FSHR: variants seen among roughly 807,000 people sequenced by gnomAD.
FSHR encodes the protein follicle-stimulating hormone receptor.
In FSHR, 46 loss-of-function variants were observed where a neutral mutation model predicts 52.1. That is an observed-to-expected ratio of 0.88 (90% CI 0.70 to 1.13). FSHR has a LOEUF of 1.13. FSHR is among the 50% of genes most tolerant of loss of function. The pLI is 0.00. For synonymous variants in FSHR, 399 were observed against 309.6 expected, an observed-to-expected ratio of 1.29 and a Z score of -3.03; for missense variants, 964 against 834.6, an observed-to-expected ratio of 1.16 and a Z score of -1.91.
At chr2:49,077,278 A>T (rs925242354) in intron 1 of FSHR, among the ~76,000 whole-genome samples, 1 of 152,196 alleles carries the variant, frequency 6.6e-6, no homozygotes, top group African/African-American at 2.4e-5. Flanking sequence ...TGTGCTCAAC[A>T]TCATGTGGAA....
At chr2:49,059,028 AT>A (rs1669182564) in intron 2 of FSHR, among the ~76,000 whole-genome samples, 1 of 152,026 alleles carries the variant, frequency 6.6e-6, no homozygotes, top group Non-Finnish European at 1.5e-5. Flanking sequence ...GGGCAACATA[AT>A]CCCCATCTAT....
intron 3 of FSHR, among the ~76,000 whole-genome samples, chr2:49,018,321 C>T (rs1332940882): frequency 6.6e-6 from 1 of 152,160 alleles, no homozygotes; most frequent in Non-Finnish European, 1.5e-5. Context: ...CCAACACAGA[C>T]AGCCTGCCCT....
chr2:49,119,034 T>G (rs1671704988), intron 1 of FSHR, among the ~76,000 whole-genome samples: 1 of 152,202 alleles, frequency 6.6e-6, no homozygotes, highest in African/African-American at 2.4e-5. Flanking sequence ...ACCAACAGGA[T>G]CCAGGTCCTA....
At chr2:48,974,849 A>C (rs977409258) in intron 8 of FSHR, among the ~76,000 whole-genome samples, 6 of 152,162 alleles carry the variant, frequency 3.9e-5, no homozygotes, top group African/African-American at 1.4e-4. Flanking sequence ...TGTTCTCCTA[A>C]AACATACACA....
chr2:49,105,879 G>A (rs1000545176), intron 1 of FSHR, among the ~76,000 whole-genome samples: 1 of 151,520 alleles, frequency 6.6e-6, no homozygotes, highest in African/African-American at 2.4e-5. Flanking sequence ...ACTCAGACAA[G>A]AGTTTCATGG....
chr2:49,146,933 C>G (rs1558467464), intron 1 of FSHR, among the ~76,000 whole-genome samples: 1 of 152,002 alleles, frequency 6.6e-6, no homozygotes, highest in African/African-American at 2.4e-5. Context: ...ACACAGGACT[C>G]TGTGATAACT....
At chr2:49,041,318 G>A (rs1668473768) in intron 2 of FSHR, among the ~76,000 whole-genome samples, 1 of 152,136 alleles carries the variant, frequency 6.6e-6, no homozygotes, top group Non-Finnish European at 1.5e-5. Flanking sequence ...ATGTTTACAT[G>A]CTACAATGAA....
intron 6 of FSHR, among the ~76,000 whole-genome samples, chr2:48,987,575 C>T (rs867250500): frequency 5.9e-5 from 9 of 152,158 alleles, no homozygotes; most frequent in African/African-American, 1.2e-4. Context: ...TCCCTCTGCA[C>T]GCCCTTTGCC....
intron 1 of FSHR, among the ~76,000 whole-genome samples, chr2:49,132,105 A>T (rs751026857): frequency 6.6e-6 from 1 of 152,210 alleles, no homozygotes; most frequent in Non-Finnish European, 1.5e-5. Context: ...AATCCCAGCA[A>T]GTGGCTGTAT....
Position 48,988,918 on chromosome 2 carries a change from A to C in FSHR, c.524+59T>G, listed in dbSNP as rs182384691. The C allele has an allele frequency of 5.7e-4, 799 of 1,410,484 alleles. 7 individuals are homozygous for C. In the Admixed American group the frequency reaches 8.7e-3, roughly 15 times the overall value. The allele number at this position is 1,410,484 out of a possible 1,614,324, so 87.4% of individuals were successfully genotyped here. A position where few individuals can be genotyped will look rare whatever the true frequency, so the allele number is the denominator to read the frequency against. On this transcript the variant is annotated intron_variant, in intron 6 of 9. Transcript: ENST00000406846. ...AAAAAGGAGCATCCAATTATGAGAA[A>C]GAGATCACTAAATGAAAAATCAAAT...
chr2:48,963,246 A>G lies in FSHR; in HGVS notation c.1575T>C (p.Pro525=). The change falls in exon 10 of 10, where the codon CCT becomes CCC. Residue 525 remains proline (P), a synonymous_variant. Coordinates refer to ENST00000406846, the MANE Select transcript of FSHR (RefSeq NM_000145.4). ...GGGACATGACATACAGCTGTGACAA[A>G]GGGCTGTCAATATCCATGGGCAGGC... is the stretch of plus-strand genomic sequence containing the variant. The part of the protein sequence containing the change: ...SICLPMDIDS[P]LSQLYVMSLL... 6.2e-7 allele frequency: 1 copy of G among 1,614,168 alleles called. No individual in the cohort carries two copies. Among genetic ancestry groups the G allele is most frequent in the Non-Finnish European group, 8.5e-7 (1 of 1,180,024 alleles).
chr2:49,031,406 A>T (rs2104256057), intron 2 of FSHR, among the ~76,000 whole-genome samples: 1 of 152,340 alleles, frequency 6.6e-6, no homozygotes, highest in South Asian at 2.1e-4. Flanking sequence ...ATTTCAGAGT[A>T]ATCAGCAAAG....
intron 1 of FSHR, among the ~76,000 whole-genome samples, chr2:49,087,081 T>A (rs1026217164): frequency 6.9e-6 from 1 of 145,216 alleles, no homozygotes; most frequent in African/African-American, 2.5e-5. Context: ...TTTTTTTTTT[T>A]TTTTTTTTTT....
rs371728482 is a variant in FSHR at position 49,007,151 on chromosome 2, C to G, written c.374+10338G>C. 2.3e-3 allele frequency among the ~76,000 whole-genome samples: 356 copies of G among 152,196 alleles called. 2 individuals are homozygous for G. The highest frequency in any genetic ancestry group is 7.9e-3 in the African/African-American group (327 of 41,534). ...ACCATGCACATGGCTACCATAACTT[C>G]TAAAAATGAGCCCAAGTATGGCTCT... On this transcript the variant is annotated intron_variant, in intron 4 of 9. Coordinates refer to ENST00000406846, the MANE Select transcript of FSHR (RefSeq NM_000145.4).
chr2:49,024,610 C>A (rs1475194793), intron 2 of FSHR, among the ~76,000 whole-genome samples: 1 of 152,026 alleles, frequency 6.6e-6, no homozygotes, highest in Non-Finnish European at 1.5e-5. Context: ...AATAAGAAAT[C>A]AAAAACAGAA....
chr2:49,077,309 G>C (rs535560412), intron 1 of FSHR, among the ~76,000 whole-genome samples: 2 of 152,314 alleles, frequency 1.3e-5, no homozygotes, highest in Admixed American at 6.5e-5. Context: ...CTTGGGGCTT[G>C]CACCCTCTGA....
intron 1 of FSHR, among the ~76,000 whole-genome samples, chr2:49,069,975 G>A (rs1402720142): frequency 6.6e-6 from 1 of 152,136 alleles, no homozygotes; most frequent in African/African-American, 2.4e-5. Context: ...CTGCTACTCA[G>A]GCAATCAGGT....
chr2:49,122,269 C>T (rs959197987), intron 1 of FSHR, among the ~76,000 whole-genome samples: 9 of 152,178 alleles, frequency 5.9e-5, no homozygotes, highest in Admixed American at 2.0e-4. Flanking sequence ...TTGGCTTACA[C>T]GGGAATGAGC....
chr2:49,118,459 G>A (rs559591850), intron 1 of FSHR, among the ~76,000 whole-genome samples: 39 of 152,296 alleles, frequency 2.6e-4, no homozygotes, highest in African/African-American at 7.9e-4. Flanking sequence ...TGGCAGCAGT[G>A]GGACCGGAGA....
Sources: gnomAD v4.1 joint callset for allele counts (sites outside exome capture counted in the v4.1 genomes callset) on GRCh38, gnomAD v4.1.1 for gene constraint, MANE v1.5 for transcripts, NCBI Gene and HGNC (gene_info 2026-07-23, HGNC 2026-07-21) for gene names.